MRPS9: variants seen among roughly 807,000 people sequenced by gnomAD.
MRPS9 encodes mitochondrial ribosomal protein S9.
In MRPS9, 45 loss-of-function variants were observed where a neutral mutation model predicts 59.9. The observed-to-expected ratio is 0.75, with a 90% CI of 0.59 to 0.96. The LOEUF is 0.96. Ranked by LOEUF, MRPS9 falls within the 40% of genes least tolerant of loss-of-function variation. The probability of loss-of-function intolerance (pLI) is 0.00; values close to 1 mark genes in which losing one functional copy is unlikely to be tolerated. For synonymous variants in MRPS9, 171 were observed against 166.8 expected (o/e 1.03, Z -0.19); for missense variants, 473 against 481.1 (o/e 0.98, Z 0.16).
intron 2 of MRPS9, among the ~76,000 whole-genome samples, chr2:105,064,662 G>A (rs1013554548): frequency 3.3e-5 from 5 of 152,168 alleles, no homozygotes; most frequent in African/African-American, 9.7e-5. Context: ...AAAGAGGCTC[G>A]TTCTCTGTTT....
intron 9 of MRPS9, among the ~76,000 whole-genome samples, chr2:105,095,693 C>G (rs890566707): frequency 6.6e-6 from 1 of 151,818 alleles, no homozygotes; most frequent in Non-Finnish European, 1.5e-5. Flanking sequence ...GACGGCGTTT[C>G]TCCATGTTGG....
chr2:105,063,350 A>G (rs1220339611), intron 2 of MRPS9, among the ~76,000 whole-genome samples: 1 of 152,266 alleles, frequency 6.6e-6, no homozygotes, highest in Non-Finnish European at 1.5e-5. Flanking sequence ...TTTTATGTGT[A>G]TATACATATG....
At chr2:105,087,025 C>T (rs1044674127) in intron 5 of MRPS9, among the ~76,000 whole-genome samples, 1 of 152,186 alleles carries the variant, frequency 6.6e-6, no homozygotes, top group African/African-American at 2.4e-5. Flanking sequence ...GAAGTCCCAA[C>T]TCAGTATTGT....
chr2:105,052,212 A>G (rs1679724619), intron 2 of MRPS9, among the ~76,000 whole-genome samples: 1 of 152,190 alleles, frequency 6.6e-6, no homozygotes, highest in South Asian at 2.1e-4. Context: ...CTTGGGGGAA[A>G]GCATTCAGTC....
Position 105,048,142 on chromosome 2 carries a change from A to G in MRPS9, c.136-1029A>G, listed in dbSNP as rs1207614628. ...ATAGACTGGATTAAGAAAATGTGGC[A>G]CATATACACCATGGAATACTATGCA... is the stretch of plus-strand genomic sequence containing the variant. On this transcript the variant is annotated intron_variant, in intron 1 of 10. Coordinates refer to ENST00000258455, the MANE Select transcript of MRPS9 (RefSeq NM_182640.3). 3.3e-5 allele frequency among the ~76,000 whole-genome samples: 5 copies of G among 152,088 alleles called. 1 individual carries two copies. Among genetic ancestry groups the G allele is most frequent in the Non-Finnish European group, 1.5e-5 (1 of 67,950 alleles).
intron 2 of MRPS9, among the ~76,000 whole-genome samples, chr2:105,066,422 A>G (rs920480360): frequency 6.6e-6 from 1 of 152,204 alleles, no homozygotes; most frequent in African/African-American, 2.4e-5. Context: ...TAAAAGAGAT[A>G]TTGCCTGTAA....
intron 4 of MRPS9, among the ~76,000 whole-genome samples, chr2:105,078,375 G>T (rs1336464642): frequency 6.6e-6 from 1 of 150,844 alleles, no homozygotes; most frequent in Non-Finnish European, 1.5e-5. Context: ...TCAATCCCAT[G>T]ATATGAGACT....
intron 1 of MRPS9, among the ~76,000 whole-genome samples, chr2:105,041,467 C>T (rs757813127): frequency 6.6e-6 from 1 of 151,694 alleles, no homozygotes; most frequent in Non-Finnish European, 1.5e-5. Flanking sequence ...CATTAAATGG[C>T]TTGGCCCTTT....
At chr2:105,057,878 C>T (rs1189146766) in intron 2 of MRPS9, among the ~76,000 whole-genome samples, 1 of 152,128 alleles carries the variant, frequency 6.6e-6, no homozygotes, top group African/African-American at 2.4e-5. Flanking sequence ...CTTGCGTTTA[C>T]TAATGTCTTT....
intron 1 of MRPS9, among the ~76,000 whole-genome samples, chr2:105,046,332 C>T (rs113386930): frequency 0.01 from 1,590 of 152,070 alleles, 25 homozygotes; most frequent in African/African-American, 0.037. Context: ...ACATAAGTAA[C>T]CTTGCCTTTC....
chr2:105,098,278 G>A lies in MRPS9; in HGVS notation c.1099+954G>A, dbSNP rs114363253. On this transcript the variant is annotated intron_variant, in intron 10 of 10. Transcript: ENST00000258455. Reference sequence around the variant, plus strand: ...CATCTTCGCACTGTTGATGAGAAGAGGAAAGCACCATGTGTGCTATTGGCG... The same window carrying A: ...CATCTTCGCACTGTTGATGAGAAGAAGAAAGCACCATGTGTGCTATTGGCG... 498 of 152,294 alleles carry A rather than the reference G, an allele frequency of 3.3e-3. 3 individuals are homozygous for A. The highest frequency in any genetic ancestry group is 0.011 in the African/African-American group (471 of 41,542). The allele number at this position is 152,294 out of a possible 1,614,324, so 9.4% of individuals were successfully genotyped here. A position where few individuals can be genotyped will look rare whatever the true frequency, so the allele number is the denominator to read the frequency against.
Position 105,095,112 on chromosome 2 carries a change from T to G in MRPS9, c.929+1474T>G, listed in dbSNP as rs143588739. Among the ~76,000 whole-genome samples, 697 of 152,228 alleles carry G rather than the reference T, an allele frequency of 4.6e-3. 8 individuals carry two copies. Among genetic ancestry groups the G allele is most frequent in the African/African-American group, 0.016 (651 of 41,520 alleles). ...ACTATTTTAAAGTAGTTGTAAGGAT[T>G]TAGGGCAGTCACTTCAGGAACTTAC... On this transcript the variant is annotated intron_variant, in intron 9 of 10. Coordinates refer to ENST00000258455, the MANE Select transcript of MRPS9 (RefSeq NM_182640.3).
chr2:105,075,516 G>C (rs1010052379), intron 4 of MRPS9, among the ~76,000 whole-genome samples: 2 of 152,188 alleles, frequency 1.3e-5, no homozygotes, highest in Non-Finnish European at 2.9e-5. Context: ...TGTAACTATT[G>C]TTATCATTTA....
At chr2:105,058,805 G>A (rs1248565993) in intron 2 of MRPS9, among the ~76,000 whole-genome samples, 1 of 151,512 alleles carries the variant, frequency 6.6e-6, no homozygotes, top group Non-Finnish European at 1.5e-5. Flanking sequence ...TCAGCCTCCT[G>A]AGTAGCTGGG....
chr2:105,065,308 T>A (rs1394877150), intron 2 of MRPS9, among the ~76,000 whole-genome samples: 1 of 152,208 alleles, frequency 6.6e-6, no homozygotes, highest in African/African-American at 2.4e-5. Flanking sequence ...GAGAGTACAT[T>A]ATGAAATTAA....
Position 105,093,607 on chromosome 2 carries a change from T to C in MRPS9, c.898T>C (p.Tyr300His). Reference sequence around the variant, plus strand: ...AAGAATAAAAGTAAATGGAATTGATTACCAGCTTTACTTCCCGATCACACA... The same window carrying C: ...AAGAATAAAAGTAAATGGAATTGATCACCAGCTTTACTTCCCGATCACACA... ...SGRIKVNGID[Y>H]QLYFPITQDR... The change falls in exon 9 of 11, where the codon TAC becomes CAC. Residue 300 changes from tyrosine (Y) to histidine (H), a missense_variant. Transcript: ENST00000258455. 1 of 1,606,118 alleles carries C rather than the reference T, an allele frequency of 6.2e-7. No homozygotes were observed. The highest frequency in any genetic ancestry group is 8.5e-7 in the Non-Finnish European group (1 of 1,175,778).
intron 2 of MRPS9, among the ~76,000 whole-genome samples, chr2:105,061,109 CAAAAAAA>C (rs751155585): frequency 1.9e-4 from 9 of 47,988 alleles, no homozygotes; most frequent in Middle Eastern, 0.019. Context: ...GACTCTGTCT[CAAAAAAA>C]AAAAAAAAAA....
At chr2:105,064,824 G>A (rs1679971042) in intron 2 of MRPS9, among the ~76,000 whole-genome samples, 1 of 152,184 alleles carries the variant, frequency 6.6e-6, no homozygotes, top group Non-Finnish European at 1.5e-5. Flanking sequence ...ATTCCAGGCA[G>A]ACAAAACAAT....
chr2:105,097,133 AT>A, intron 9 of MRPS9, 21 bp from the exon 10 acceptor site: 1 of 1,466,086 alleles, frequency 6.8e-7, no homozygotes. Context: ...ACGTAACCAC[AT>A]TTACTTGTGC....
Sources: gnomAD v4.1 joint callset for allele counts (sites outside exome capture counted in the v4.1 genomes callset) on GRCh38, gnomAD v4.1.1 for gene constraint, MANE v1.5 for transcripts, NCBI Gene and HGNC (gene_info 2026-07-23, HGNC 2026-07-21) for gene names.